EPG5: variants seen among roughly 807,000 people sequenced by gnomAD.
EPG5 encodes the protein ectopic P granules protein 5 homolog.
Under a neutral mutation model 302.7 loss-of-function variants are expected in EPG5, and 159 were observed. The observed-to-expected ratio is 0.53, with a 90% CI of 0.46 to 0.60. The LOEUF (loss-of-function observed/expected upper bound fraction) is 0.60, where lower values mean the gene tolerates loss of function less well. Among genes scored for constraint, EPG5 ranks in the 20% least tolerant of loss-of-function variants. The probability of loss-of-function intolerance (pLI) is 0.00; values close to 1 mark genes in which losing one functional copy is unlikely to be tolerated. For synonymous variants in EPG5, 1,158 were observed against 1,136.8 expected (o/e 1.02, Z -0.37); for missense variants, 2,896 against 3,092.4 (o/e 0.94, Z 1.51).
chr18:45,958,045 T>C (rs1244087137), intron 1 of EPG5, among the ~76,000 whole-genome samples: 5 of 152,140 alleles, frequency 3.3e-5, no homozygotes, highest in Admixed American at 6.5e-5. Context: ...TTTTAGTGAG[T>C]TGACAATCAG....
At chr18:45,837,328 G>C in the EPG5 span, among the ~76,000 whole-genome samples, 1 of 152,234 alleles carries the variant, frequency 6.6e-6, no homozygotes, top group Non-Finnish European at 1.5e-5. Flanking sequence ...CAGGCACCAG[G>C]AATTGCCCCT....
intron 28 of EPG5, 140 bp from the exon 29 acceptor site, chr18:45,888,047 T>C (rs2049256090): frequency 3.3e-6 from 2 of 602,978 alleles, no homozygotes; most frequent in Middle Eastern, 4.9e-4. Context: ...TTTAGAAATA[T>C]TTCATGGAGT....
At chr18:45,846,656 C>T (rs902254003), downstream of EPG5, among the ~76,000 whole-genome samples, 1 of 151,810 alleles carries the variant, frequency 6.6e-6, no homozygotes, top group Non-Finnish European at 1.5e-5. Context: ...AAAGGGGTCC[C>T]GATCCAGACA....
intron 20 of EPG5, among the ~76,000 whole-genome samples, chr18:45,914,537 A>T (rs757249771): frequency 2.0e-5 from 3 of 152,278 alleles, no homozygotes; most frequent in Non-Finnish European, 4.4e-5. Context: ...AACAATGGCC[A>T]ACACTCAGTG....
chr18:45,919,929 A>G (rs2050118524), intron 16 of EPG5, among the ~76,000 whole-genome samples: 1 of 152,204 alleles, frequency 6.6e-6, no homozygotes, highest in South Asian at 2.1e-4. Flanking sequence ...GAGCTACTGG[A>G]AACAATATAA....
At chr18:45,869,198 T>C (rs574659898) in intron 36 of EPG5, among the ~76,000 whole-genome samples, 2 of 152,328 alleles carry the variant, frequency 1.3e-5, no homozygotes, top group South Asian at 4.1e-4. Flanking sequence ...CCTTTCAAAA[T>C]GAAGATTAAA....
At chr18:45,841,345 C>T in the EPG5 span, among the ~76,000 whole-genome samples, 3 of 151,984 alleles carry the variant, frequency 2.0e-5, no homozygotes, top group Admixed American at 2.0e-4. Flanking sequence ...GAGGAAAAGG[C>T]AAGTAGAAAG....
intron 17 of EPG5, 88 bp downstream of exon 17, chr18:45,917,591 T>C (rs1237049461): frequency 2.0e-6 from 3 of 1,514,964 alleles, no homozygotes; most frequent in Non-Finnish European, 2.7e-6. Flanking sequence ...GCATTCCCTT[T>C]ATTTTACTTA....
chr18:45,841,301 G>A, the EPG5 span, among the ~76,000 whole-genome samples: 1 of 152,252 alleles, frequency 6.6e-6, no homozygotes, highest in Admixed American at 6.5e-5. Context: ...CTAGAGTGTG[G>A]ACGTAAGACA....
chr18:45,880,522 T>C (rs2049073650), intron 31 of EPG5, among the ~76,000 whole-genome samples: 1 of 152,066 alleles, frequency 6.6e-6, no homozygotes, highest in Non-Finnish European at 1.5e-5. Flanking sequence ...GACTGGGGAA[T>C]GGTGGCAGTG....
the EPG5 span, among the ~76,000 whole-genome samples, chr18:45,840,406 C>T: frequency 6.6e-6 from 1 of 152,154 alleles, no homozygotes; most frequent in Non-Finnish European, 1.5e-5. Flanking sequence ...ACCCCTCTTG[C>T]AGCCTGCCAA....
the EPG5 span, among the ~76,000 whole-genome samples, chr18:45,837,298 G>A: frequency 3.9e-5 from 6 of 152,340 alleles, no homozygotes; most frequent in African/African-American, 1.4e-4. Flanking sequence ...CAAGTCGAGG[G>A]AGTGCAGGCC....
At chr18:45,841,569 G>C in the EPG5 span, among the ~76,000 whole-genome samples, 1 of 152,198 alleles carries the variant, frequency 6.6e-6, no homozygotes, top group African/African-American at 2.4e-5. Context: ...AAGGTGCAGG[G>C]GTGGCGGTGG....
intron 25 of EPG5, 55 bp from the exon 26 acceptor site, chr18:45,901,222 C>A: frequency 2.7e-6 from 4 of 1,473,472 alleles, no homozygotes; most frequent in Non-Finnish European, 3.8e-6. Flanking sequence ...AGCAGGAGAA[C>A]AGAAGCATGT....
rs1323809959 is a variant in EPG5 at position 45,880,186 on chromosome 18, C to T, written c.5556G>A (p.Lys1852=). ...AGCAGCCCAGGGCTCTCAGAGTGGCCTTCCAACACTCGGGGCTCAGAAGCT... is the reference window on the plus strand; with the variant it reads ...AGCAGCCCAGGGCTCTCAGAGTGGCTTTCCAACACTCGGGGCTCAGAAGCT... ...AEQLLSPECW[K]ATLRALGCCA... Residue 1852 remains lysine (K), a synonymous_variant, in exon 32 of 44, where the codon AAG becomes AAA. Coordinates refer to ENST00000282041, the MANE Select transcript of EPG5 (RefSeq NM_020964.3). The T allele has an allele frequency of 2.5e-6, 4 of 1,609,524 alleles. No individual in the cohort carries two copies. The highest frequency in any genetic ancestry group is 1.7e-5 in the Admixed American group (1 of 59,716).
intron 1 of EPG5, among the ~76,000 whole-genome samples, chr18:45,964,086 G>T (rs906386531): frequency 6.6e-6 from 1 of 152,160 alleles, no homozygotes; most frequent in African/African-American, 2.4e-5. Context: ...AAAAATTAAT[G>T]TATGTTTGTA....
chr18:45,825,149 G>GGGAA, the EPG5 span, among the ~76,000 whole-genome samples: 3 of 127,270 alleles, frequency 2.4e-5, no homozygotes, highest in Non-Finnish European at 5.1e-5. Flanking sequence ...GAGGGAGGGA[G>GGGAA]GGAAGGAAGG....
intron 27 of EPG5, among the ~76,000 whole-genome samples, chr18:45,895,644 C>T (rs1238491811): frequency 6.6e-6 from 1 of 152,134 alleles, no homozygotes; most frequent in African/African-American, 2.4e-5. Context: ...CTTAGAGATT[C>T]AGAGGGAAAA....
intron 1 of EPG5, among the ~76,000 whole-genome samples, chr18:45,959,075 G>A (rs1372845337): frequency 6.6e-6 from 1 of 152,132 alleles, no homozygotes; most frequent in Non-Finnish European, 1.5e-5. Context: ...TAAAATTCCA[G>A]TCTCTCACAC....
Sources: gnomAD v4.1 joint callset for allele counts (sites outside exome capture counted in the v4.1 genomes callset) on GRCh38, gnomAD v4.1.1 for gene constraint, MANE v1.5 for transcripts, NCBI Gene and HGNC (gene_info 2026-07-23, HGNC 2026-07-21) for gene names.